Variants in MRPL35 observed in about 807,000 individuals in gnomAD.
MRPL35 encodes large ribosomal subunit protein bL35m.
In MRPL35, 18 loss-of-function variants were observed where a neutral mutation model predicts 21.6. The observed-to-expected ratio is 0.83, with a 90% CI of 0.58 to 1.24. MRPL35 has a LOEUF of 1.24. Among genes scored for constraint, MRPL35 ranks in the 50% most tolerant of loss-of-function variants. The pLI is 0.00. For missense variants in MRPL35, 223 were observed against 223.2 expected (o/e 1.00, Z 0.01); for synonymous variants, 87 against 86.9 (o/e 1.00, Z -0.01).
rs1031110257 is a variant in MRPL35 at position 86,212,064 on chromosome 2, A to C, written c.*1396A>C. The C allele has an allele frequency of 8.8e-5, 94 of 1,065,244 alleles. No individual in the cohort carries two copies. The highest frequency in any genetic ancestry group is 1.0e-4 in the Non-Finnish European group (91 of 880,264). The allele number at this position is 1,065,244 out of a possible 1,614,324, so 66.0% of individuals were successfully genotyped here. A position where few individuals can be genotyped will look rare whatever the true frequency, so the allele number is the denominator to read the frequency against. On this transcript the variant is annotated 3_prime_UTR_variant, in exon 4 of 4. Coordinates refer to ENST00000337109, the MANE Select transcript of MRPL35 (RefSeq NM_016622.4). ...TCAGAATCATCTGGGAAGCATTTTC[A>C]AACAGCAAAGTACTTTGAAAACCAT...
upstream of MRPL35, chr2:86,199,434 T>C: frequency 6.2e-7 from 1 of 1,606,124 alleles, no homozygotes; most frequent in African/African-American, 1.3e-5. Flanking sequence ...TTTCCCTTCA[T>C]TCTCTTTTGC....
chr2:86,209,178 G>C lies in MRPL35; in HGVS notation c.379-1302G>C, dbSNP rs80309526. ...TTGCATTTAAAATTGTAAGCAGTGA[G>C]TAGCAAAAATCTAACCTCTAGCATT... On this transcript the variant is annotated intron_variant, in intron 3 of 3. Transcript: ENST00000337109. 4.1e-3 allele frequency among the ~76,000 whole-genome samples: 631 copies of C among 152,352 alleles called. 20 individuals are homozygous for C. In the East Asian group the frequency reaches 0.09, roughly 22 times the overall value.
intron 1 of MRPL35, among the ~76,000 whole-genome samples, chr2:86,201,567 T>C (rs1673685461): frequency 6.6e-6 from 1 of 152,210 alleles, no homozygotes; most frequent in Non-Finnish European, 1.5e-5. Flanking sequence ...ATAGATGATG[T>C]AGGTAGTTAT....
Position 86,213,306 on chromosome 2 carries a change from GTTCTGTTGACA to G in MRPL35, c.*2641_*2651del. ...CCAACTCTTAACCTAGTTAATCCTAGTTCTGTTGACATTGGACCAGGCTCAGTAAATAAACG... is the reference window on the plus strand; with the variant it reads ...CCAACTCTTAACCTAGTTAATCCTAGTTGGACCAGGCTCAGTAAATAAACG... On this transcript the variant is annotated 3_prime_UTR_variant, in exon 4 of 4. Transcript: ENST00000337109. 8.6e-7 allele frequency: 1 copy of G among 1,162,234 alleles called. No individual in the cohort carries two copies. The highest frequency in any genetic ancestry group is 1.6e-5 in the African/African-American group (1 of 62,836). 72.0% of individuals were successfully genotyped at this position (1,162,234 alleles called of 1,614,324 possible).
rs774979167 is a variant in MRPL35, at chr2:86,199,467, C to T, written c.-24C>T. ...TGCTCTTGTGCTTTTAAACCCAAAG[C>T]GGCCGCCGTAGGCGAAGGTGAAGAT... On this transcript the variant is annotated 5_prime_UTR_variant, in exon 1 of 4. Coordinates refer to ENST00000337109, the MANE Select transcript of MRPL35 (RefSeq NM_016622.4). 49 of 1,613,870 alleles carry T rather than the reference C, an allele frequency of 3.0e-5. No homozygotes were observed. Among genetic ancestry groups the T allele is most frequent in the Non-Finnish European group, 3.8e-5 (45 of 1,180,004 alleles).
Position 86,211,922 on chromosome 2 carries a change from A to G in MRPL35, c.*1254A>G. On this transcript the variant is annotated 3_prime_UTR_variant, in exon 4 of 4. Coordinates refer to ENST00000337109, the MANE Select transcript of MRPL35 (RefSeq NM_016622.4). ...AAACTAAGGGGGAGAAAGTAATCTC[A>G]GTTGTTTTAGAAACGAAAAAGTTAA... is the stretch of plus-strand genomic sequence containing the variant. 1 of 985,760 alleles carries G rather than the reference A, an allele frequency of 1.0e-6. No individual in the cohort carries two copies. Among genetic ancestry groups the G allele is most frequent in the Non-Finnish European group, 1.2e-6 (1 of 830,148 alleles). 61.1% of individuals were successfully genotyped at this position (985,760 alleles called of 1,614,324 possible). A position where few individuals can be genotyped will look rare whatever the true frequency, so the allele number is the denominator to read the frequency against.
rs1024393756 is a variant in MRPL35, at chr2:86,212,036, C to T, written c.*1368C>T. 4 of 1,034,958 alleles carry T rather than the reference C, an allele frequency of 3.9e-6. No individual in the cohort carries two copies. The highest frequency in any genetic ancestry group is 1.2e-6 in the Non-Finnish European group (1 of 861,128). 64.1% of individuals were successfully genotyped at this position (1,034,958 alleles called of 1,614,324 possible). The stretch of plus-strand genomic sequence containing the variant: ...TCTAGGGCAGTGGTTCCCAACTCTC[C>T]GATCAGAATCATCTGGGAAGCATTT... On this transcript the variant is annotated 3_prime_UTR_variant, in exon 4 of 4. Coordinates refer to ENST00000337109, the MANE Select transcript of MRPL35 (RefSeq NM_016622.4).
rs574932283 is a variant in MRPL35, at chr2:86,212,314, A to G, written c.*1646A>G. On this transcript the variant is annotated 3_prime_UTR_variant, in exon 4 of 4. Transcript: ENST00000337109. ...AAACCAGAAGTCCAAGTGCGTGTCTACTTATGGGACCAATAAATAAAGAAC... is the reference window on the plus strand; with the variant it reads ...AAACCAGAAGTCCAAGTGCGTGTCTGCTTATGGGACCAATAAATAAAGAAC... 1.2e-4 allele frequency: 197 copies of G among 1,586,290 alleles called. No individual in the cohort carries two copies. The highest frequency in any genetic ancestry group is 1.6e-4 in the Non-Finnish European group (192 of 1,166,328).
rs776480501 is a variant in MRPL35 at position 86,207,168 on chromosome 2, A to T, written c.234-15A>T. The T allele has an allele frequency of 3.2e-6, 5 of 1,569,584 alleles. No homozygotes were observed. In the South Asian group the frequency reaches 4.7e-5, roughly 15 times the overall value. On this transcript the variant is annotated splice_polypyrimidine_tract_variant and intron_variant, in intron 2 of 3. Transcript: ENST00000337109. ...AGTCTGATTACAAGCTAAAAATTTT[A>T]AAATATATTTTTAGAATGGCCCCCG...
At position 86,207,470 on chromosome 2, in the gene MRPL35, C is replaced by G; in HGVS notation, c.378+143C>G. The G allele has an allele frequency of 4.6e-6, 4 of 868,748 alleles. No individual in the cohort carries two copies. The South Asian group carries it at 8.2e-5, about 18-fold the overall frequency. The allele number at this position is 868,748 out of a possible 1,614,324, so 53.8% of individuals were successfully genotyped here. On this transcript the variant is annotated intron_variant, in intron 3 of 3. Transcript: ENST00000337109. ...CTTGGCCAACATGGTGAAACTCCAT[C>G]TCTACTAAAAATACAAAAATTAGGC...
In MRPL35 at chr2:86,210,565, G is replaced by A; in HGVS notation, c.464G>A (p.Ser155Asn). 6.2e-7 allele frequency: 1 copy of A among 1,613,990 alleles called. No individual in the cohort carries two copies. The highest frequency in any genetic ancestry group is 8.5e-7 in the Non-Finnish European group (1 of 1,179,898). ...TTTGTATTCTGCAATAAAACCCAGA[G>A]TAAACTCTTAGATAAAATGACGACG... ...REFVFCNKTQSKLLDKMTTSF... is the reference protein window; with the variant it reads ...REFVFCNKTQNKLLDKMTTSF... The change falls in exon 4 of 4, where the codon AGT becomes AAT. Residue 155 changes from serine (S) to asparagine (N), a missense_variant. Ser to Asn is a conservative substitution (Grantham distance 46, BLOSUM62 1). Coordinates refer to ENST00000337109, the MANE Select transcript of MRPL35 (RefSeq NM_016622.4).
upstream of MRPL35, chr2:86,199,439 T>G (rs1361297493): frequency 1.1e-5 from 18 of 1,610,178 alleles, no homozygotes; most frequent in South Asian, 1.7e-4. Context: ...CTTCATTCTC[T>G]TTTGCTCTTG....
chr2:86,210,120 G>C (rs1232359518), intron 3 of MRPL35, among the ~76,000 whole-genome samples: 1 of 152,128 alleles, frequency 6.6e-6, no homozygotes. Context: ...TGTTGTTAAA[G>C]ATTGCTGAAG....
At chr2:86,199,895 C>T (rs890238345) in intron 1 of MRPL35, among the ~76,000 whole-genome samples, 1 of 152,148 alleles carries the variant, frequency 6.6e-6, no homozygotes, top group African/African-American at 2.4e-5. Context: ...ATTAATGTCT[C>T]CTAACTTAAG....
chr2:86,210,425 A>G lies in MRPL35; in HGVS notation c.379-55A>G, dbSNP rs899227516. On this transcript the variant is annotated intron_variant, in intron 3 of 3. Transcript: ENST00000337109. ...TCTATAAACCTTGAGTTGTGAAGATACCTGTTGTTTCATACATAGTATGAT... is the reference window on the plus strand; with the variant it reads ...TCTATAAACCTTGAGTTGTGAAGATGCCTGTTGTTTCATACATAGTATGAT... 3.5e-6 allele frequency: 5 copies of G among 1,435,096 alleles called. No homozygotes were observed. The South Asian group carries it at 4.3e-5, about 12-fold the overall frequency. 88.9% of individuals were successfully genotyped at this position (1,435,096 alleles called of 1,614,324 possible).
At position 86,211,193 on chromosome 2, in the gene MRPL35, T is replaced by G; in HGVS notation, c.*525T>G. ...TTTTTGCATTGTTAACTCCATTCTC[T>G]CTATTCACCAACTTCTCTACACAGC... On this transcript the variant is annotated 3_prime_UTR_variant, in exon 4 of 4. Coordinates refer to ENST00000337109, the MANE Select transcript of MRPL35 (RefSeq NM_016622.4). 1.0e-5 allele frequency: 10 copies of G among 978,440 alleles called. No individual in the cohort carries two copies. Among genetic ancestry groups the G allele is most frequent in the Non-Finnish European group, 1.2e-5 (10 of 823,600 alleles). 60.6% of individuals were successfully genotyped at this position (978,440 alleles called of 1,614,324 possible). A position where few individuals can be genotyped will look rare whatever the true frequency, so the allele number is the denominator to read the frequency against.
chr2:86,204,845 C>G (rs555977318), intron 1 of MRPL35, among the ~76,000 whole-genome samples: 1 of 152,292 alleles, frequency 6.6e-6, no homozygotes, highest in East Asian at 1.9e-4. Context: ...AGTTGAAAAT[C>G]AAGTTGAAAA....
At chr2:86,206,644 G>A (rs563495359) in intron 2 of MRPL35, among the ~76,000 whole-genome samples, 1 of 152,276 alleles carries the variant, frequency 6.6e-6, no homozygotes, top group Non-Finnish European at 1.5e-5. Context: ...GATTGAGTGG[G>A]AGACTGTGAC....
At chr2:86,205,010 AG>A (rs1435963611) in intron 1 of MRPL35, among the ~76,000 whole-genome samples, 1 of 152,168 alleles carries the variant, frequency 6.6e-6, no homozygotes, top group African/African-American at 2.4e-5. Context: ...AGGCTGAGGC[AG>A]GTGGATCACT....
Sources: allele counts gnomAD v4.1 joint callset (sites outside exome capture counted in the v4.1 genomes callset), GRCh38; gene constraint gnomAD v4.1.1; transcripts MANE v1.5; gene names NCBI Gene and HGNC (gene_info 2026-07-23, HGNC 2026-07-21).